Variants in RGS6 observed in about 807,000 individuals in gnomAD.
RGS6 encodes the protein regulator of G-protein signaling 6.
Under a neutral mutation model 78.5 loss-of-function variants are expected in RGS6, and 30 were observed. The ratio of observed to expected loss-of-function variants is 0.38; its 90% CI spans 0.29 to 0.52. The LOEUF (loss-of-function observed/expected upper bound fraction) is 0.52, where lower values mean the gene tolerates loss of function less well. Ranked by LOEUF, RGS6 falls within the 20% of genes least tolerant of loss-of-function variation. RGS6 has a pLI of 0.85. For missense variants in RGS6, 495 were observed against 609.7 expected (o/e 0.81, Z 1.98); for synonymous variants, 206 against 206.0 (o/e 1.00, Z 0.00).
intron 14 of RGS6, among the ~76,000 whole-genome samples, chr14:72,516,029 C>T (rs1201548021): frequency 2.6e-5 from 4 of 152,246 alleles, no homozygotes; most frequent in Admixed American, 1.3e-4. Context: ...GACGGCCTCC[C>T]TCTGTGAACC....
chr14:72,393,881 G>T (rs1421641937), intron 3 of RGS6, among the ~76,000 whole-genome samples: 2 of 152,170 alleles, frequency 1.3e-5, no homozygotes, highest in East Asian at 1.9e-4. Flanking sequence ...TTACAGGAAA[G>T]CTTTAATCGC....
intron 2 of RGS6, among the ~76,000 whole-genome samples, chr14:72,268,971 C>T (rs1356360420): frequency 6.6e-6 from 1 of 152,190 alleles, no homozygotes; most frequent in Non-Finnish European, 1.5e-5. Context: ...TCTCTTTCTT[C>T]CGCCTTTTCC....
At chr14:72,320,617 T>C (rs1228126200) in intron 2 of RGS6, among the ~76,000 whole-genome samples, 2 of 151,140 alleles carry the variant, frequency 1.3e-5, no homozygotes, top group Non-Finnish European at 3.0e-5. Context: ...AATAAAAAAC[T>C]ATTAAAGACT....
intron 2 of RGS6, among the ~76,000 whole-genome samples, chr14:72,037,573 G>A (rs1347436286): frequency 2.0e-5 from 3 of 152,170 alleles, no homozygotes; most frequent in Non-Finnish European, 4.4e-5. Flanking sequence ...CACAGTATGA[G>A]ATTTAGGTCA....
At chr14:72,624,669 A>G in the RGS6 span, among the ~76,000 whole-genome samples, 18 of 152,118 alleles carry the variant, frequency 1.2e-4, no homozygotes, top group African/African-American at 4.3e-4. Flanking sequence ...CAGGGATCCA[A>G]TCCAAGATCC....
chr14:72,284,675 C>T (rs2062188439), intron 2 of RGS6, among the ~76,000 whole-genome samples: 1 of 152,194 alleles, frequency 6.6e-6, no homozygotes. Context: ...ACACAGAGTC[C>T]CCACAGGGGC....
At chr14:72,423,081 CAG>C (rs1566808717) in intron 3 of RGS6, among the ~76,000 whole-genome samples, 1 of 152,174 alleles carries the variant, frequency 6.6e-6, no homozygotes, top group East Asian at 1.9e-4. Flanking sequence ...GCAGGTGAGT[CAG>C]AGAGTTGAGT....
At chr14:71,969,257 T>G (rs1423006397) in intron 2 of RGS6, among the ~76,000 whole-genome samples, 1 of 152,228 alleles carries the variant, frequency 6.6e-6, no homozygotes, top group African/African-American at 2.4e-5. Context: ...AATGCTAAAG[T>G]TTCATTCTAC....
intron 2 of RGS6, among the ~76,000 whole-genome samples, chr14:72,175,229 T>A (rs973159632): frequency 8.5e-5 from 13 of 152,160 alleles, no homozygotes; most frequent in African/African-American, 2.9e-4. Context: ...CTGTTTGTCG[T>A]TTGCATACCA....
intron 2 of RGS6, among the ~76,000 whole-genome samples, chr14:72,272,223 A>G (rs1157369858): frequency 6.6e-6 from 1 of 152,134 alleles, no homozygotes; most frequent in Non-Finnish European, 1.5e-5. Context: ...TGGGCTCAGG[A>G]GTGAAGAGGG....
the RGS6 span, among the ~76,000 whole-genome samples, chr14:71,868,828 T>C: frequency 6.6e-6 from 1 of 152,138 alleles, no homozygotes; most frequent in South Asian, 2.1e-4. Flanking sequence ...TTCCTAATGA[T>C]GGGGAGCCAC....
chr14:72,167,060 T>C (rs1472958573), intron 2 of RGS6, among the ~76,000 whole-genome samples: 2 of 152,246 alleles, frequency 1.3e-5, no homozygotes, highest in Non-Finnish European at 2.9e-5. Flanking sequence ...TCATTTTTTT[T>C]TCATACCAGT....
At chr14:72,295,295 A>T (rs1013479031) in intron 2 of RGS6, among the ~76,000 whole-genome samples, 1 of 151,982 alleles carries the variant, frequency 6.6e-6, no homozygotes, top group African/African-American at 2.4e-5. Flanking sequence ...CGTCTCAAAA[A>T]AAAAAAAAAA....
chr14:72,117,204 G>A (rs548276500), intron 2 of RGS6, among the ~76,000 whole-genome samples: 1 of 152,132 alleles, frequency 6.6e-6, no homozygotes, highest in Non-Finnish European at 1.5e-5. Flanking sequence ...CAGCATGGGT[G>A]ATATGGTTTG....
intron 16 of RGS6, among the ~76,000 whole-genome samples, chr14:72,538,214 A>G (rs907865470): frequency 7.9e-5 from 12 of 152,194 alleles, no homozygotes; most frequent in African/African-American, 2.9e-4. Flanking sequence ...TTCTGATTTC[A>G]GGGACGGGTT....
chr14:72,208,584 A>G (rs932556875), intron 2 of RGS6, among the ~76,000 whole-genome samples: 1 of 152,092 alleles, frequency 6.6e-6, no homozygotes, highest in Non-Finnish European at 1.5e-5. Context: ...CCTGGGTCCT[A>G]TTTCCCTTTG....
chr14:72,089,019 C>T (rs912060745), intron 2 of RGS6, among the ~76,000 whole-genome samples: 1 of 152,250 alleles, frequency 6.6e-6, no homozygotes, highest in Non-Finnish European at 1.5e-5. Context: ...AGGACACTGT[C>T]TCATTGCACC....
chr14:72,227,783 G>A (rs1254834988), intron 2 of RGS6, among the ~76,000 whole-genome samples: 2 of 152,156 alleles, frequency 1.3e-5, no homozygotes, highest in Non-Finnish European at 2.9e-5. Flanking sequence ...AACTGGATGT[G>A]TCTGTATAGA....
chr14:72,319,314 A>G (rs1272473785), intron 2 of RGS6, among the ~76,000 whole-genome samples: 2 of 152,122 alleles, frequency 1.3e-5, no homozygotes, highest in Non-Finnish European at 2.9e-5. Context: ...GAAGAAACAT[A>G]CACTGATGTA....
Sources: gnomAD v4.1 joint callset for allele counts (sites outside exome capture counted in the v4.1 genomes callset) on GRCh38, gnomAD v4.1.1 for gene constraint, MANE v1.5 for transcripts, NCBI Gene and HGNC (gene_info 2026-07-23, HGNC 2026-07-21) for gene names.